The following GPM6B variants were observed in gnomAD, a reference collection of about 807,000 sequenced individuals.
GPM6B encodes glycoprotein M6B, also known as neuronal membrane glycoprotein M6-b.
A neutral mutation model predicts 27.2 loss-of-function variants in GPM6B; 4 were observed. The observed-to-expected ratio is 0.15, with a 90% CI of 0.07 to 0.34. The LOEUF (loss-of-function observed/expected upper bound fraction) is 0.34. GPM6B is among the 10% of genes least tolerant of loss of function. GPM6B has a pLI of 1.00. For synonymous variants in GPM6B, 124 were observed against 103.1 expected (o/e 1.20, Z -1.23); for missense variants, 183 against 261.9 (o/e 0.70, Z 2.08).
intron 2 of GPM6B, among the ~76,000 whole-genome samples, chrX:13,797,036 G>A (rs2048828974): frequency 8.9e-6 from 1 of 112,421 alleles, no homozygotes. Flanking sequence ...ACAGCAATCT[G>A]GAGGCTACTC....
At position 13,770,950 on chromosome X, in the gene GPM6B, A is replaced by G. The variant is rs149101359; in HGVS notation, c.*1931T>C. On this transcript the variant is annotated 3_prime_UTR_variant, in exon 8 of 8. Transcript: ENST00000316715. ...GGTAAAAAGGCAAGTGAATGAAGCT[A>G]TAATTTTATTTCATTACTCTTAGTA... The G allele has an allele frequency of 9.7e-5, 11 of 112,867 alleles. No individual in the cohort carries two copies. The East Asian group carries it at 2.8e-3, about 28-fold the overall frequency. 9.3% of individuals were successfully genotyped at this position (112,867 alleles called of 1,213,427 possible). A position where few individuals can be genotyped will look rare whatever the true frequency, so the allele number is the denominator to read the frequency against.
intron 1 of GPM6B, among the ~76,000 whole-genome samples, chrX:13,866,549 A>G (rs986071324): frequency 8.0e-5 from 9 of 112,350 alleles, no homozygotes; most frequent in Non-Finnish European, 1.7e-4. Flanking sequence ...GGATATACCA[A>G]TTACCCTGAT....
intron 1 of GPM6B, among the ~76,000 whole-genome samples, chrX:13,906,319 T>C (rs1285318362): frequency 1.8e-5 from 2 of 112,053 alleles, no homozygotes; most frequent in East Asian, 5.6e-4. Context: ...TCTGGGCTAA[T>C]AGCCAAATTT....
Position 13,773,978 on chromosome X carries a change from T to TC in GPM6B, c.838-949_838-948insG, listed in dbSNP as rs1215027351. The TC allele has an allele frequency of 5.5e-6, 4 of 725,474 alleles. No homozygotes were observed. The African/African-American group carries it at 7.6e-5, about 14-fold the overall frequency. The allele number at this position is 725,474 out of a possible 1,213,427, so 59.8% of individuals were successfully genotyped here. A position where few individuals can be genotyped will look rare whatever the true frequency, so the allele number is the denominator to read the frequency against. On this transcript the variant is annotated intron_variant, in intron 7 of 7. Transcript: ENST00000316715. ...CTTTTTTTTTTTTTTTTTTTTTTTT[T>TC]TCCAGAGAACTGGGTGACCTTTTTC...
chrX:13,934,103 T>C (rs1401218153), intron 1 of GPM6B, among the ~76,000 whole-genome samples: 2 of 110,882 alleles, frequency 1.8e-5, no homozygotes, highest in Non-Finnish European at 1.9e-5. Flanking sequence ...GTCAACAGCT[T>C]TCGGTAGAGC....
chrX:13,924,250 A>G (rs992453182), intron 1 of GPM6B, among the ~76,000 whole-genome samples: 1 of 112,174 alleles, frequency 8.9e-6, no homozygotes, highest in African/African-American at 3.2e-5. Context: ...CAAGCTTAGC[A>G]CTCAGTCTAA....
In GPM6B at chrX:13,772,527, A is replaced by G. The variant is rs779850532; in HGVS notation, c.*354T>C. The G allele has an allele frequency of 3.3e-5, 5 of 150,040 alleles. No homozygotes were observed. In the South Asian group the frequency reaches 1.1e-3, roughly 33 times the overall value. 12.4% of individuals were successfully genotyped at this position (150,040 alleles called of 1,213,427 possible). On this transcript the variant is annotated 3_prime_UTR_variant, in exon 8 of 8. Transcript: ENST00000316715. ...GATGCTGGGCATGTCACAGGTCCTT[A>G]TTAAGGAGTCACAGGTCCCTATTAA...
intron 1 of GPM6B, among the ~76,000 whole-genome samples, chrX:13,868,022 A>C (rs2049937096): frequency 8.9e-6 from 1 of 112,140 alleles, no homozygotes; most frequent in Non-Finnish European, 1.9e-5. Context: ...CAGTGAGAAG[A>C]CCAGAAACTA....
In GPM6B at chrX:13,771,363, C is replaced by T. The variant is rs2048294830; in HGVS notation, c.*1518G>A. On this transcript the variant is annotated 3_prime_UTR_variant, in exon 8 of 8. Coordinates refer to ENST00000316715, the MANE Select transcript of GPM6B (RefSeq NM_001001995.3). ...AAGCTATTTTGGAACAACTGTTCTA[C>T]ACAGAAGAGAGCTTCTCTTAATTTA... is the stretch of plus-strand genomic sequence containing the variant. 9.5e-6 allele frequency: 1 copy of T among 104,797 alleles called. No homozygotes were observed. The highest frequency in any genetic ancestry group is 1.1e-4 in the Admixed American group (1 of 9,352). The allele number at this position is 104,797 out of a possible 1,213,427, so 8.6% of individuals were successfully genotyped here.
chrX:13,828,409 C>A (rs1449894137), intron 1 of GPM6B, among the ~76,000 whole-genome samples: 1 of 111,469 alleles, frequency 9.0e-6, no homozygotes, highest in East Asian at 2.8e-4. Flanking sequence ...CACCTTGGGA[C>A]TGTCCCCATC....
chrX:13,917,308 G>T (rs1745246997), intron 1 of GPM6B, among the ~76,000 whole-genome samples: 2 of 112,596 alleles, frequency 1.8e-5, no homozygotes, highest in African/African-American at 6.4e-5. Context: ...TTAAATGATA[G>T]AAATCTAAAA....
intron 4 of GPM6B, among the ~76,000 whole-genome samples, chrX:13,781,620 G>C (rs1163818157): frequency 1.8e-5 from 2 of 111,343 alleles, no homozygotes; most frequent in East Asian, 5.6e-4. Context: ...TCAATGAAAG[G>C]CTAATCAGAG....
At chrX:13,808,522 G>A (rs1411060955) in intron 1 of GPM6B, among the ~76,000 whole-genome samples, 1 of 111,686 alleles carries the variant, frequency 9.0e-6, no homozygotes, top group Non-Finnish European at 1.9e-5. Context: ...AATTTGCCTG[G>A]CACAGAGTAG....
At chrX:13,900,111 A>G (rs745873365) in intron 1 of GPM6B, among the ~76,000 whole-genome samples, 2 of 111,498 alleles carry the variant, frequency 1.8e-5, no homozygotes, top group African/African-American at 3.3e-5. Context: ...TCACACAGTC[A>G]CTTGTTCGGT....
chrX:13,872,027 T>C (rs1265999973), intron 1 of GPM6B, among the ~76,000 whole-genome samples: 1 of 111,455 alleles, frequency 9.0e-6, no homozygotes, highest in African/African-American at 3.3e-5. Context: ...TTAGTCAAGA[T>C]AGAGAAAATT....
chrX:13,778,745 A>G (rs1799462820), intron 5 of GPM6B, among the ~76,000 whole-genome samples: 1 of 111,994 alleles, frequency 8.9e-6, no homozygotes, highest in African/African-American at 3.3e-5. Context: ...ACTTTTAAGG[A>G]ATAGGAGAAT....
chrX:13,912,946 C>T (rs946018137), intron 1 of GPM6B, among the ~76,000 whole-genome samples: 1 of 112,342 alleles, frequency 8.9e-6, no homozygotes, highest in Non-Finnish European at 1.9e-5. Flanking sequence ...ATCACTGAAT[C>T]CATCTTATGT....
intron 1 of GPM6B, among the ~76,000 whole-genome samples, chrX:13,844,204 T>C (rs1248199638): frequency 8.9e-6 from 1 of 112,414 alleles, no homozygotes; most frequent in Non-Finnish European, 1.9e-5. Context: ...ATCAATTGAC[T>C]ATAAACATAA....
chrX:13,906,143 C>G (rs1160426615), intron 1 of GPM6B, among the ~76,000 whole-genome samples: 1 of 112,096 alleles, frequency 8.9e-6, no homozygotes. Flanking sequence ...CTGTTGTGGC[C>G]GAATTGTTTT....
Sources: gnomAD v4.1 joint callset for allele counts (sites outside exome capture counted in the v4.1 genomes callset) on GRCh38, gnomAD v4.1.1 for gene constraint, MANE v1.5 for transcripts, NCBI Gene and HGNC (gene_info 2026-07-23, HGNC 2026-07-21) for gene names.